Variants in CALN1 observed in about 807,000 individuals in gnomAD.
CALN1 encodes the protein calcium-binding protein 8.
CALN1 carries 17 observed loss-of-function variants against 30.6 expected under a neutral mutation model. The ratio of observed to expected loss-of-function variants is 0.56; its 90% CI spans 0.38 to 0.83. The LOEUF (loss-of-function observed/expected upper bound fraction) is 0.83, where lower values mean the gene tolerates loss of function less well. Ranked by LOEUF, CALN1 falls within the 40% of genes least tolerant of loss-of-function variation. The probability of loss-of-function intolerance (pLI) is 0.00; values close to 1 mark genes in which losing one functional copy is unlikely to be tolerated. For synonymous variants in CALN1, 156 were observed against 131.4 expected (o/e 1.19, Z -1.28); for missense variants, 291 against 354.9 (o/e 0.82, Z 1.45).
intron 3 of CALN1, among the ~76,000 whole-genome samples, chr7:72,215,061 C>T (rs1461525928): frequency 1.3e-5 from 2 of 152,022 alleles, no homozygotes; most frequent in African/African-American, 4.8e-5. Flanking sequence ...AAATGGAATG[C>T]ACATGAATCA....
intron 3 of CALN1, among the ~76,000 whole-genome samples, chr7:72,274,191 G>A (rs1296783447): frequency 6.6e-6 from 1 of 152,114 alleles, no homozygotes; most frequent in Non-Finnish European, 1.5e-5. Flanking sequence ...TTCAGATGGA[G>A]GTGAATTTAG....
chr7:72,086,880 A>G (rs893252423), intron 4 of CALN1, among the ~76,000 whole-genome samples: 3 of 152,244 alleles, frequency 2.0e-5, no homozygotes, highest in Admixed American at 2.0e-4. Flanking sequence ...CGTAAATTCA[A>G]TTAAATAAGG....
intron 3 of CALN1, among the ~76,000 whole-genome samples, chr7:72,176,347 G>C (rs1188391288): frequency 6.6e-6 from 1 of 152,120 alleles, no homozygotes; most frequent in Non-Finnish European, 1.5e-5. Context: ...GTTTGCTGTT[G>C]GCATATGATA....
At chr7:72,189,734 C>A (rs1165645918) in intron 3 of CALN1, among the ~76,000 whole-genome samples, 8 of 148,626 alleles carry the variant, frequency 5.4e-5, no homozygotes, top group African/African-American at 1.5e-4. Context: ...TGCCACTGCA[C>A]TCTAGCCTAG....
At chr7:72,284,091 G>C (rs1490819642) in intron 2 of CALN1, among the ~76,000 whole-genome samples, 2 of 152,152 alleles carry the variant, frequency 1.3e-5, no homozygotes, top group Non-Finnish European at 2.9e-5. Flanking sequence ...AGGAGTTCAA[G>C]ACCAGTCTGG....
chr7:72,262,808 C>T (rs941981963), intron 3 of CALN1, among the ~76,000 whole-genome samples: 14 of 152,210 alleles, frequency 9.2e-5, no homozygotes, highest in African/African-American at 3.1e-4. Flanking sequence ...TCTTCCCTCT[C>T]CTCTCTCTGG....
chr7:72,404,937 G>A (rs1013984092), intron 1 of CALN1, among the ~76,000 whole-genome samples: 2 of 152,214 alleles, frequency 1.3e-5, no homozygotes, highest in Middle Eastern at 6.3e-3. Flanking sequence ...TGGTGTGAAT[G>A]AATGACGGAC....
chr7:71,977,847 G>T (rs1396791348), intron 5 of CALN1, among the ~76,000 whole-genome samples: 1 of 150,558 alleles, frequency 6.6e-6, no homozygotes, highest in Non-Finnish European at 1.5e-5. Context: ...AAGGAGAATC[G>T]CTTGAACCTG....
intron 5 of CALN1, among the ~76,000 whole-genome samples, chr7:71,837,027 T>C (rs902994704): frequency 1.3e-5 from 2 of 150,784 alleles, no homozygotes; most frequent in African/African-American, 4.8e-5. Flanking sequence ...ACGTCAGGAG[T>C]TCGAGTTCCG....
intron 3 of CALN1, among the ~76,000 whole-genome samples, chr7:72,142,026 T>A (rs1472786874): frequency 6.6e-6 from 1 of 152,204 alleles, no homozygotes; most frequent in Non-Finnish European, 1.5e-5. Context: ...ACAGCTCCAG[T>A]CTACAGCTCC....
chr7:72,441,298 A>G (rs1044912569), intron 1 of CALN1, among the ~76,000 whole-genome samples: 1 of 151,954 alleles, frequency 6.6e-6, no homozygotes, highest in South Asian at 2.1e-4. Flanking sequence ...GGAGTAAGTT[A>G]AAAATTGGGA....
intron 1 of CALN1, among the ~76,000 whole-genome samples, chr7:72,445,820 G>A (rs1478898309): frequency 1.3e-5 from 2 of 152,134 alleles, no homozygotes; most frequent in Admixed American, 6.5e-5. Flanking sequence ...CTGCAAACGC[G>A]GTAACTACCG....
chr7:71,803,359 C>T (rs959728753), intron 6 of CALN1, among the ~76,000 whole-genome samples: 3 of 152,182 alleles, frequency 2.0e-5, no homozygotes, highest in Admixed American at 2.0e-4. Flanking sequence ...TTCTAGCCTC[C>T]TCCCTGCCTT....
At chr7:72,121,855 T>G (rs1342049693) in intron 3 of CALN1, among the ~76,000 whole-genome samples, 1 of 147,684 alleles carries the variant, frequency 6.8e-6, no homozygotes, top group Admixed American at 6.8e-5. Context: ...TTATAATATC[T>G]ATTATATAAT....
At chr7:72,411,153 T>G (rs1807111222) in intron 1 of CALN1, among the ~76,000 whole-genome samples, 1 of 152,082 alleles carries the variant, frequency 6.6e-6, no homozygotes, top group Admixed American at 6.5e-5. Context: ...GTTTTACAGA[T>G]TTGAAAAAAA....
chr7:71,847,964 TG>T (rs1189934982), intron 5 of CALN1, among the ~76,000 whole-genome samples: 1 of 152,166 alleles, frequency 6.6e-6, no homozygotes, highest in African/African-American at 2.4e-5. Flanking sequence ...CCCAGCCATG[TG>T]GAACTGTGAG....
chr7:72,069,008 C>A (rs1804212588), intron 4 of CALN1, among the ~76,000 whole-genome samples: 1 of 152,160 alleles, frequency 6.6e-6, no homozygotes. Context: ...TAGACTGATT[C>A]TAAGTTGCAG....
intron 2 of CALN1, among the ~76,000 whole-genome samples, chr7:72,378,982 T>C (rs1349616890): frequency 6.6e-6 from 1 of 152,230 alleles, no homozygotes; most frequent in African/African-American, 2.4e-5. Context: ...TAGTCTGTTA[T>C]GGTGAATTAT....
At position 71,781,811 on chromosome 7, in the gene CALN1, G is replaced by A. The variant is rs1486817461; in HGVS notation, c.*5964C>T. On this transcript the variant is annotated 3_prime_UTR_variant, in exon 7 of 7. Coordinates refer to ENST00000395275, the MANE Select transcript of CALN1 (RefSeq NM_031468.4). ...GGCATGGGGGTTGTGCTCAACTGAT[G>A]AACTACCCCAAGGTCAGGGTAGGGG... 4 of 152,186 alleles carry A rather than the reference G, an allele frequency of 2.6e-5. No individual in the cohort carries two copies. In the East Asian group the frequency reaches 5.8e-4, roughly 22 times the overall value. 9.4% of individuals were successfully genotyped at this position (152,186 alleles called of 1,614,324 possible). A position where few individuals can be genotyped will look rare whatever the true frequency, so the allele number is the denominator to read the frequency against.
Sources: allele counts gnomAD v4.1 joint callset (sites outside exome capture counted in the v4.1 genomes callset), GRCh38; gene constraint gnomAD v4.1.1; transcripts MANE v1.5; gene names NCBI Gene and HGNC (gene_info 2026-07-23, HGNC 2026-07-21).